The following CCDC85A variants were observed in gnomAD, a reference collection of about 807,000 sequenced individuals.
CCDC85A encodes coiled-coil domain-containing protein 85A.
In CCDC85A, 38 loss-of-function variants were observed where a neutral mutation model predicts 50.2. That is an observed-to-expected ratio of 0.76 (90% confidence interval 0.58 to 0.99). The LOEUF (loss-of-function observed/expected upper bound fraction) is 0.99, where lower values mean the gene tolerates loss of function less well. Among genes scored for constraint, CCDC85A ranks in the 50% least tolerant of loss-of-function variants. The pLI is 0.00. For missense variants in CCDC85A, 820 were observed against 742.0 expected (o/e 1.11, Z -1.22); for synonymous variants, 366 against 301.4 (o/e 1.21, Z -2.22).
At chr2:56,198,090 G>C (rs1180508433) in intron 2 of CCDC85A, among the ~76,000 whole-genome samples, 1 of 152,180 alleles carries the variant, frequency 6.6e-6, no homozygotes, top group Non-Finnish European at 1.5e-5. Flanking sequence ...TTATTAATGA[G>C]TAAACGAAAA....
intron 2 of CCDC85A, among the ~76,000 whole-genome samples, chr2:56,338,725 C>G (rs567085751): frequency 4.1e-4 from 63 of 152,054 alleles, no homozygotes; most frequent in African/African-American, 1.5e-3. Flanking sequence ...AAGGGTTTAA[C>G]GAAACAAATA....
In CCDC85A at chr2:56,206,044, G is replaced by C. The variant is rs184842722; in HGVS notation, c.1240+12604G>C. ...GTCTGAGAGAGAAAGTGTAGAGGTG[G>C]AAATGAGAAAATTATGTTAAAGGAA... On this transcript the variant is annotated intron_variant, in intron 2 of 5. Transcript: ENST00000407595. 4.3e-3 allele frequency among the ~76,000 whole-genome samples: 647 copies of C among 152,218 alleles called. 21 individuals are homozygous for C. Among genetic ancestry groups the C allele is most frequent in the Non-Finnish European group, 5.0e-3 (339 of 68,002 alleles).
intron 2 of CCDC85A, among the ~76,000 whole-genome samples, chr2:56,211,225 T>TA (rs996494383): frequency 6.6e-6 from 1 of 152,084 alleles, no homozygotes; most frequent in African/African-American, 2.4e-5. Flanking sequence ...AGCATGGACT[T>TA]ACAGTGCAAA....
At position 56,375,720 on chromosome 2, in the gene CCDC85A, A is replaced by G. The variant is rs1355907217; in HGVS notation, c.1453-96A>G. The stretch of plus-strand genomic sequence containing the variant: ...GTTAGGAAAAAGTAACAAAATGGCT[A>G]ATTCTCATTTGGTAGTGAAATTGAA... On this transcript the variant is annotated intron_variant, in intron 4 of 5. Coordinates refer to ENST00000407595, the MANE Select transcript of CCDC85A (RefSeq NM_001080433.2). The G allele has an allele frequency of 3.8e-6, 5 of 1,303,290 alleles. No individual in the cohort carries two copies. In the Admixed American group the frequency reaches 1.0e-4, roughly 27 times the overall value. The allele number at this position is 1,303,290 out of a possible 1,614,324, so 80.7% of individuals were successfully genotyped here.
intron 2 of CCDC85A, among the ~76,000 whole-genome samples, chr2:56,290,062 C>T (rs906152160): frequency 2.0e-5 from 3 of 152,158 alleles, no homozygotes; most frequent in Non-Finnish European, 2.9e-5. Flanking sequence ...ATTCTACAGT[C>T]TGCTGCTCTG....
intron 2 of CCDC85A, among the ~76,000 whole-genome samples, chr2:56,338,288 C>T (rs764824267): frequency 2.0e-5 from 3 of 152,144 alleles, no homozygotes; most frequent in Non-Finnish European, 4.4e-5. Flanking sequence ...CTATTAATGA[C>T]TTTATGATAA....
At position 56,184,822 on chromosome 2, in the gene CCDC85A, G is replaced by A; in HGVS notation, c.198G>A (p.Ala66=). ...GCGCCGAGGCGGAGAAGGTGAGCGC[G>A]ATGCTGGACCACAGCAACCTCATCC... is the stretch of plus-strand genomic sequence containing the variant. ...LRRAEAEKVS[A]MLDHSNLIRE... Residue 66 remains alanine (A), a synonymous_variant, in exon 1 of 6, where the codon GCG becomes GCA. Transcript: ENST00000407595. 6.5e-7 allele frequency: 1 copy of A among 1,544,888 alleles called. No individual in the cohort carries two copies. Among genetic ancestry groups the A allele is most frequent in the Non-Finnish European group, 8.7e-7 (1 of 1,145,806 alleles).
chr2:56,225,706 A>G (rs1234758644), intron 2 of CCDC85A, among the ~76,000 whole-genome samples: 2 of 152,162 alleles, frequency 1.3e-5, no homozygotes, highest in African/African-American at 4.8e-5. Flanking sequence ...ATTGCATTGA[A>G]TCTGTAGATG....
At chr2:56,269,362 T>TGTGTGTGTGTGTGTGTG (rs1670599138) in intron 2 of CCDC85A, among the ~76,000 whole-genome samples, 1 of 150,182 alleles carries the variant, frequency 6.7e-6, no homozygotes, top group Non-Finnish European at 1.5e-5. Context: ...TGTGTGTGTG[T>TGTGTGTGTGTGTGTGTG]TTGAAGGAGG....
Position 56,270,339 on chromosome 2 carries a change from C to A in CCDC85A, c.1241-72540C>A, listed in dbSNP as rs73940642. Among the ~76,000 whole-genome samples the A allele has an allele frequency of 4.6e-3, 707 of 152,204 alleles. 7 individuals carry two copies. The highest frequency in any genetic ancestry group is 0.015 in the African/African-American group (643 of 41,522). On this transcript the variant is annotated intron_variant, in intron 2 of 5. Coordinates refer to ENST00000407595, the MANE Select transcript of CCDC85A (RefSeq NM_001080433.2). Reference sequence around the variant, plus strand: ...AAAATATGCTAGATATCTTTGAAAGCTGATTTTTTAAATGAAGAATCCTGG... The same window carrying A: ...AAAATATGCTAGATATCTTTGAAAGATGATTTTTTAAATGAAGAATCCTGG...
chr2:56,372,877 C>T (rs1242038541), intron 4 of CCDC85A, among the ~76,000 whole-genome samples: 1 of 152,168 alleles, frequency 6.6e-6, no homozygotes, highest in African/African-American at 2.4e-5. Flanking sequence ...AGCTTGAAAA[C>T]AAGCCACTTA....
In CCDC85A at chr2:56,326,746, C is replaced by T. The variant is rs542394268; in HGVS notation, c.1241-16133C>T. On this transcript the variant is annotated intron_variant, in intron 2 of 5. Coordinates refer to ENST00000407595, the MANE Select transcript of CCDC85A (RefSeq NM_001080433.2). ...AAATGCTTACAGTATGTCATTCTTT[C>T]ATAACTTTTTGACTGTTTTTCTGCA... Among the ~76,000 whole-genome samples, 379 of 152,184 alleles carry T rather than the reference C, an allele frequency of 2.5e-3. 2 individuals are homozygous for T. Among genetic ancestry groups the T allele is most frequent in the Non-Finnish European group, 4.2e-3 (283 of 67,986 alleles).
At position 56,280,701 on chromosome 2, in the gene CCDC85A, A is replaced by C. The variant is rs1188063254; in HGVS notation, c.1241-62178A>C. 5.9e-5 allele frequency among the ~76,000 whole-genome samples: 9 copies of C among 152,314 alleles called. No homozygotes were observed. In the East Asian group the frequency reaches 1.2e-3, roughly 20 times the overall value. On this transcript the variant is annotated intron_variant, in intron 2 of 5. Coordinates refer to ENST00000407595, the MANE Select transcript of CCDC85A (RefSeq NM_001080433.2). ...TTATTTAGTGTTAGAGAGAGTGTTA[A>C]AAAACAATGAGGTGGAGGTGGGAGG...
At chr2:56,359,989 A>T (rs1449838352) in intron 3 of CCDC85A, among the ~76,000 whole-genome samples, 1 of 152,174 alleles carries the variant, frequency 6.6e-6, no homozygotes, top group African/African-American at 2.4e-5. Flanking sequence ...CAAGACTTAG[A>T]GGAAAGTGAG....
intron 2 of CCDC85A, among the ~76,000 whole-genome samples, chr2:56,238,065 C>G (rs1040191651): frequency 3.3e-5 from 5 of 152,262 alleles, no homozygotes; most frequent in Admixed American, 2.0e-4. Flanking sequence ...AATCCCTGGT[C>G]CGCCTGACTG....
intron 5 of CCDC85A, among the ~76,000 whole-genome samples, chr2:56,376,404 C>A (rs1440015697): frequency 1.3e-5 from 2 of 152,164 alleles, no homozygotes; most frequent in Admixed American, 6.5e-5. Context: ...ACTCTTTCCT[C>A]TTCTAAGTAG....
At chr2:56,279,456 G>A (rs973672683) in intron 2 of CCDC85A, among the ~76,000 whole-genome samples, 5 of 151,536 alleles carry the variant, frequency 3.3e-5, no homozygotes, top group Non-Finnish European at 7.4e-5. Context: ...CTTCACCCCT[G>A]GCTCCAGGCA....
chr2:56,266,480 T>C (rs1670445786), intron 2 of CCDC85A, among the ~76,000 whole-genome samples: 1 of 151,930 alleles, frequency 6.6e-6, no homozygotes, highest in African/African-American at 2.4e-5. Context: ...GTGATTGATA[T>C]ATTATTAGCC....
chr2:56,351,632 TG>T (rs1674947137), intron 3 of CCDC85A, among the ~76,000 whole-genome samples: 1 of 145,378 alleles, frequency 6.9e-6, no homozygotes, highest in African/African-American at 2.6e-5. Flanking sequence ...ATGTGTTTTT[TG>T]GCTGCATAAA....
Sources: allele counts gnomAD v4.1 joint callset (sites outside exome capture counted in the v4.1 genomes callset), GRCh38; gene constraint gnomAD v4.1.1; transcripts MANE v1.5; gene names NCBI Gene and HGNC (gene_info 2026-07-23, HGNC 2026-07-21).